Variants in MMP12 observed in about 807,000 individuals in gnomAD.
MMP12 encodes the protein matrix metallopeptidase 12, also known as macrophage metalloelastase.
Under a neutral mutation model 45.2 loss-of-function variants are expected in MMP12, and 51 were observed. The observed-to-expected ratio is 1.13, with a 90% CI of 0.90 to 1.42. The LOEUF is 1.42. MMP12 is among the 40% of genes most tolerant of loss of function. The pLI is 0.00. For synonymous variants in MMP12, 210 were observed against 193.3 expected, an observed-to-expected ratio of 1.09 and a Z score of -0.72; for missense variants, 530 against 570.8, an observed-to-expected ratio of 0.93 and a Z score of 0.73.
chr11:102,868,048 G>C lies in MMP12; in HGVS notation c.647C>G (p.Ala216Gly), dbSNP rs1357058388. 2 of 1,599,110 alleles carry C rather than the reference G, an allele frequency of 1.3e-6. No individual in the cohort carries two copies. The highest frequency in any genetic ancestry group is 2.3e-5 in the East Asian group (1 of 44,408). Residue 216 changes from alanine (A) to glycine (G), a missense_variant, in exon 5 of 10, where the codon GCT becomes GGT. Transcript: ENST00000571244. ...TAAGGAATGGCCAATCTCGTGAACA[G>C]CAGTGAGGAACAAGTTTGTGCCTAA... Reference protein sequence around the residue: ...HSGGTNLFLTAVHEIGHSLGL... With the variant: ...HSGGTNLFLTGVHEIGHSLGL...
intron 9 of MMP12, 74 bp downstream of exon 9, chr11:102,864,072 A>G: frequency 3.4e-6 from 4 of 1,173,068 alleles, no homozygotes; most frequent in Non-Finnish European, 3.7e-6. Flanking sequence ...TTGGAGCCCT[A>G]TTCTCTAATC....
In MMP12 at chr11:102,873,036, A is replaced by G. The variant is rs201266907; in HGVS notation, c.179T>C (p.Met60Thr). 3.7e-6 allele frequency: 6 copies of G among 1,612,892 alleles called. No homozygotes were observed. The highest frequency in any genetic ancestry group is 5.1e-6 in the Non-Finnish European group (6 of 1,179,422). Residue 60 changes from methionine (M) to threonine (T), a missense_variant, in exon 2 of 10, where the codon ATG becomes ACG. Coordinates refer to ENST00000571244, the MANE Select transcript of MMP12 (RefSeq NM_002426.6). ...VTKMKYSGNL[M>T]KEKIQEMQHF... ...CTGCATTTCTTGGATTTTTTCCTTC[A>G]TTAAGTTTCCACTATATTTCATTTT...
chr11:102,866,496 A>AGT, intron 6 of MMP12, 48 bp from the exon 7 acceptor site: 1 of 1,589,650 alleles, frequency 6.3e-7, no homozygotes, highest in Non-Finnish European at 8.6e-7. Context: ...TGTAGACTCA[A>AGT]GAACCATGGC....
Position 102,863,125 on chromosome 11 carries a change from T to C in MMP12, c.1388A>G (p.Lys463Arg). The C allele has an allele frequency of 6.2e-7, 1 of 1,610,628 alleles. No individual in the cohort carries two copies. The highest frequency in any genetic ancestry group is 1.7e-5 in the Admixed American group (1 of 59,518). ...FLLQRITKTL[K>R]SNSWFGC is the part of the protein sequence containing the mutation. ...CTAACAACCAAACCAGCTATTGCTT[T>C]TCAGTGTTTTGGTGATACGTTGGAG... The change falls in exon 10 of 10, where the codon AAA becomes AGA. Residue 463 changes from lysine (K) to arginine (R), a missense_variant. Lys to Arg is a conservative substitution (Grantham distance 26). Transcript: ENST00000571244.
In MMP12 at chr11:102,867,920, G is replaced by A; in HGVS notation, c.775C>T (p.Gln259Ter). The A allele has an allele frequency of 6.2e-7, 1 of 1,609,684 alleles. No homozygotes were observed. Residue 259 changes from glutamine to a stop codon, truncating the protein, a stop_gained, in exon 5 of 10, where the codon CAG becomes TAG. Coordinates refer to ENST00000571244, the MANE Select transcript of MMP12 (RefSeq NM_002426.6). LOFTEE classifies it high-confidence loss of function. The stretch of plus-strand genomic sequence containing the variant: ...GAATTCAACTCACCATACAGGGACT[G>A]AATGCCACGTATGTCATCAGCAGAG... ...RLSADDIRGI[Q>*]SLYGDPKENQ...
intron 6 of MMP12, 101 bp downstream of exon 6, chr11:102,867,169 A>C (rs1254239033): frequency 9.0e-7 from 1 of 1,115,238 alleles, no homozygotes; most frequent in Non-Finnish European, 1.2e-6. Context: ...CCTGCTTACA[A>C]GTTTCATCTA....
At chr11:102,872,824 G>T in intron 2 of MMP12, 41 bp downstream of exon 2, 1 of 1,603,174 alleles carries the variant, frequency 6.2e-7, no homozygotes, top group South Asian at 1.1e-5. Flanking sequence ...TCAGACCTAT[G>T]GGAAAGTAGA....
chr11:102,864,696 A>G (rs1859354943), intron 8 of MMP12, among the ~76,000 whole-genome samples: 1 of 152,216 alleles, frequency 6.6e-6, no homozygotes, highest in Non-Finnish European at 1.5e-5. Context: ...GTTTGAGAGA[A>G]ATTGAAAATA....
chr11:102,871,544 C>G (rs1555009312), intron 4 of MMP12, 50 bp downstream of exon 4: 3 of 1,541,562 alleles, frequency 1.9e-6, no homozygotes, highest in Non-Finnish European at 2.6e-6. Flanking sequence ...TGTTGTTTTC[C>G]TTTCCTGTTT....
Position 102,868,191 on chromosome 11 carries a change from G to A in MMP12, c.626-122C>T. ...CTTTTACTTATTTCTTTACCCTTTT[G>A]AGTTGGGTTTCTCAATCTCAGCACT... is the stretch of plus-strand genomic sequence containing the variant. On this transcript the variant is annotated intron_variant, in intron 4 of 9. Coordinates refer to ENST00000571244, the MANE Select transcript of MMP12 (RefSeq NM_002426.6). The A allele has an allele frequency of 4.4e-6, 4 of 898,956 alleles. No individual in the cohort carries two copies. In the South Asian group the frequency reaches 5.2e-5, roughly 12 times the overall value. 55.7% of individuals were successfully genotyped at this position (898,956 alleles called of 1,614,324 possible).
Position 102,873,064 on chromosome 11 carries a change from T to A in MMP12, c.151A>T (p.Thr51Ser). 1 of 1,613,256 alleles carries A rather than the reference T, an allele frequency of 6.2e-7. No homozygotes were observed. The highest frequency in any genetic ancestry group is 8.5e-7 in the Non-Finnish European group (1 of 1,179,468). ...YGLEINKLPV[T>S]KMKYSGNLMK... ...AAGTTTCCACTATATTTCATTTTTG[T>A]CACTGGAAGTTTGTTTATCTCAAGG... Residue 51 changes from threonine to serine, a missense_variant, in exon 2 of 10, where the codon ACA becomes TCA. Thr to Ser is a moderately conservative substitution (Grantham distance 58). Coordinates refer to ENST00000571244, the MANE Select transcript of MMP12 (RefSeq NM_002426.6).
intron 5 of MMP12, 68 bp from the exon 6 acceptor site, chr11:102,867,461 T>A: frequency 7.2e-7 from 1 of 1,387,004 alleles, no homozygotes; most frequent in Non-Finnish European, 9.7e-7. Flanking sequence ...GGAACAGTTA[T>A]GTTTTAAATA....
intron 1 of MMP12, 40 bp downstream of exon 1, chr11:102,874,796 A>T (rs1555009847): frequency 1.5e-6 from 2 of 1,299,574 alleles, no homozygotes. Context: ...TCTTAAAGAC[A>T]AACATCAAGC....
intron 2 of MMP12, 148 bp from the exon 3 acceptor site, chr11:102,872,100 GA>G (rs1859510039): frequency 1.1e-6 from 1 of 925,410 alleles, no homozygotes; most frequent in African/African-American, 1.7e-5. Flanking sequence ...ATTAACTACA[GA>G]AACATTTTTT....
chr11:102,871,813 C>A lies in MMP12; in HGVS notation c.490G>T (p.Ala164Ser). ...AATACAAGTTCCCTACCTCCACGGG[C>A]AAAAACCACCAAAATGTCAGCCATG... ...TGMADILVVF[A>S]RGAHGDFHAF... is the part of the protein sequence containing the mutation. Residue 164 changes from alanine (A) to serine (S), a missense_variant, in exon 3 of 10, where the codon GCC (alanine) becomes TCC (serine). By Grantham distance (99) the Ala-to-Ser change is moderately conservative. Coordinates refer to ENST00000571244, the MANE Select transcript of MMP12 (RefSeq NM_002426.6). 1 of 1,613,044 alleles carries A rather than the reference C, an allele frequency of 6.2e-7. No homozygotes were observed. Among genetic ancestry groups the A allele is most frequent in the Non-Finnish European group, 8.5e-7 (1 of 1,179,500 alleles).
In MMP12 at chr11:102,871,659, G is replaced by A; in HGVS notation, c.560C>T (p.Pro187Leu). 6.3e-7 allele frequency: 1 copy of A among 1,592,746 alleles called. No homozygotes were observed. The highest frequency in any genetic ancestry group is 8.6e-7 in the Non-Finnish European group (1 of 1,168,562). The change falls in exon 4 of 10, where the codon CCT becomes CTT. Residue 187 changes from proline to leucine, a missense_variant. Coordinates refer to ENST00000571244, the MANE Select transcript of MMP12 (RefSeq NM_002426.6). ...KGGILAHAFG[P>L]GSGIGGDAHF... ...TGCATCCCCTCCAATGCCAGATCCA[G>A]GTCCAAAAGCATGGGCTAGGATTCC...
intron 3 of MMP12, 37 bp from the exon 4 acceptor site, chr11:102,871,756 A>T (rs1859500939): frequency 1.2e-6 from 2 of 1,612,498 alleles, no homozygotes; most frequent in East Asian, 4.5e-5. Flanking sequence ...CCTTCTATAC[A>T]TCCTATAGAT....
chr11:102,866,497 G>C, intron 6 of MMP12, 49 bp from the exon 7 acceptor site: 5 of 1,587,956 alleles, frequency 3.1e-6, no homozygotes, highest in Non-Finnish European at 4.3e-6. Context: ...GTAGACTCAA[G>C]AACCATGGCA....
In MMP12 at chr11:102,867,275, T is replaced by G; in HGVS notation, c.906A>C (p.Lys302Asn). 6.3e-7 allele frequency: 1 copy of G among 1,594,630 alleles called. No homozygotes were observed. The highest frequency in any genetic ancestry group is 8.5e-7 in the Non-Finnish European group (1 of 1,171,320). ...TTVGNKIFFFKDRFFWLKVSE... is the reference protein window; with the variant it reads ...TTVGNKIFFFNDRFFWLKVSE... ...AGATATGAAAATGATCCTACCTGTC[T>G]TTGAAGAAAAAGATCTTATTTCCCA... is the stretch of plus-strand genomic sequence containing the variant. Residue 302 changes from lysine to asparagine, a missense_variant, in exon 6 of 10, where the codon AAA becomes AAC. Transcript: ENST00000571244.
Sources: gnomAD v4.1 joint callset for allele counts (sites outside exome capture counted in the v4.1 genomes callset) on GRCh38, gnomAD v4.1.1 for gene constraint, MANE v1.5 for transcripts, NCBI Gene and HGNC (gene_info 2026-07-23, HGNC 2026-07-21) for gene names.